AEBP2: variants seen among roughly 807,000 people sequenced by gnomAD.
AEBP2 encodes the protein zinc finger protein AEBP2.
A neutral mutation model predicts 50.8 loss-of-function variants in AEBP2; 10 were observed. The observed-to-expected ratio is 0.20, with a 90% CI of 0.12 to 0.33. The LOEUF is 0.33. AEBP2 is among the 10% of genes least tolerant of loss of function. AEBP2 has a pLI of 1.00. For synonymous variants in AEBP2, 296 were observed against 261.3 expected, an observed-to-expected ratio of 1.13 and a Z score of -1.28; for missense variants, 570 against 688.0, an observed-to-expected ratio of 0.83 and a Z score of 1.92.
At chr12:19,490,294 T>C (rs1310057146) in intron 3 of AEBP2, among the ~76,000 whole-genome samples, 1 of 152,204 alleles carries the variant, frequency 6.6e-6, no homozygotes, top group Non-Finnish European at 1.5e-5. Flanking sequence ...AGAAGTTACC[T>C]ATATCTAATA....
intron 7 of AEBP2, 135 bp from the exon 8 acceptor site, chr12:19,517,952 T>G: frequency 4.8e-6 from 4 of 830,606 alleles, no homozygotes; most frequent in Non-Finnish European, 5.3e-6. Context: ...TGTATAAATG[T>G]TTTGGAAATA....
intron 3 of AEBP2, among the ~76,000 whole-genome samples, chr12:19,490,565 G>A (rs1329735264): frequency 1.3e-5 from 2 of 151,958 alleles, no homozygotes; most frequent in East Asian, 3.9e-4. Flanking sequence ...TTTTGAGACA[G>A]AGTCTCACTT....
chr12:19,477,114 C>T (rs1422169963), intron 3 of AEBP2, among the ~76,000 whole-genome samples: 1 of 152,044 alleles, frequency 6.6e-6, no homozygotes, highest in Non-Finnish European at 1.5e-5. Context: ...TTCTCAACTT[C>T]GTCATTGTTG....
intron 1 of AEBP2, among the ~76,000 whole-genome samples, chr12:19,453,127 C>T (rs1337719725): frequency 2.6e-5 from 4 of 151,822 alleles, no homozygotes; most frequent in Non-Finnish European, 5.9e-5. Context: ...CGCCACCAGC[C>T]CCGGATGATT....
At chr12:19,498,523 G>C (rs918181112) in intron 4 of AEBP2, among the ~76,000 whole-genome samples, 3 of 152,166 alleles carry the variant, frequency 2.0e-5, no homozygotes, top group Middle Eastern at 3.4e-3. Flanking sequence ...GATGTTTTGA[G>C]AACTCTTTGA....
chr12:19,418,685 T>C (rs945846918), intron 1 of AEBP2, among the ~76,000 whole-genome samples: 7 of 152,196 alleles, frequency 4.6e-5, no homozygotes, highest in African/African-American at 1.2e-4. Flanking sequence ...TGATGTCTTA[T>C]GTATCCCTAA....
chr12:19,416,504 C>T (rs542533423), intron 1 of AEBP2, among the ~76,000 whole-genome samples: 192 of 152,174 alleles, frequency 1.3e-3, no homozygotes, highest in Admixed American at 2.6e-3. Context: ...CTCCCAGGCT[C>T]AAGCGATTCT....
intron 1 of AEBP2, among the ~76,000 whole-genome samples, chr12:19,448,682 GT>G (rs1948116490): frequency 6.6e-6 from 1 of 150,904 alleles, no homozygotes; most frequent in Non-Finnish European, 1.5e-5. Flanking sequence ...GTTTTTTTTT[GT>G]TTTGTTTGTA....
intron 1 of AEBP2, chr12:19,457,556 A>G (rs1948292793): frequency 6.7e-7 from 1 of 1,481,686 alleles, no homozygotes; most frequent in Admixed American, 2.0e-5. Flanking sequence ...TGATGCTACC[A>G]CATTTGTAGT....
intron 3 of AEBP2, among the ~76,000 whole-genome samples, chr12:19,485,948 C>CTTTTTTT (rs60355570): frequency 6.6e-5 from 6 of 91,222 alleles, no homozygotes; most frequent in East Asian, 3.5e-4. Flanking sequence ...TGAGCCTCTG[C>CTTTTTTT]TTTTTTTTTT....
chr12:19,441,759 A>G (rs1947964145), intron 1 of AEBP2, among the ~76,000 whole-genome samples: 1 of 152,210 alleles, frequency 6.6e-6, no homozygotes, highest in Non-Finnish European at 1.5e-5. Flanking sequence ...CTTCAAGAAA[A>G]TTAAAAATTG....
chr12:19,520,612 C>T lies in AEBP2; in HGVS notation c.*2495C>T, dbSNP rs1482188211. The stretch of plus-strand genomic sequence containing the variant: ...TTGTTGCTCCTACCTTCAAATATGA[C>T]ACCTGAAATAATAAGTCTGTTGTCC... On this transcript the variant is annotated 3_prime_UTR_variant, in exon 8 of 8. Coordinates refer to ENST00000266508, the MANE Select transcript of AEBP2 (RefSeq NM_153207.5). 1 of 152,166 alleles carries T rather than the reference C, an allele frequency of 6.6e-6. No individual in the cohort carries two copies. Among genetic ancestry groups the T allele is most frequent in the East Asian group, 1.9e-4 (1 of 5,192 alleles). The allele number at this position is 152,166 out of a possible 1,614,324, so 9.4% of individuals were successfully genotyped here. A position where few individuals can be genotyped will look rare whatever the true frequency, so the allele number is the denominator to read the frequency against.
chr12:19,446,071 G>C (rs1259982230), intron 1 of AEBP2: 2 of 149,950 alleles, frequency 1.3e-5, no homozygotes, highest in African/African-American at 4.9e-5. Context: ...TTATCTATTG[G>C]TAAAAAGTTT....
chr12:19,470,346 A>G (rs1948552004), intron 2 of AEBP2, among the ~76,000 whole-genome samples: 3 of 151,990 alleles, frequency 2.0e-5, no homozygotes, highest in Admixed American at 1.3e-4. Context: ...CAGTAGAGAC[A>G]TGGTTTCACC....
chr12:19,450,078 G>A lies in AEBP2; in HGVS notation c.671+9708G>A, dbSNP rs908110797. 2.0e-5 allele frequency among the ~76,000 whole-genome samples: 3 copies of A among 152,092 alleles called. No homozygotes were observed. The East Asian group carries it at 5.8e-4, about 29-fold the overall frequency. The stretch of plus-strand genomic sequence containing the variant: ...CCTAACTGAGTTTATAGACCAAAAA[G>A]CCTACAGCACCACCGCAGTTTTGAA... On this transcript the variant is annotated intron_variant, in intron 1 of 7. Transcript: ENST00000266508.
At chr12:19,473,080 T>C (rs1254677546) in intron 2 of AEBP2, among the ~76,000 whole-genome samples, 168 bp from the exon 3 acceptor site, 1 of 152,154 alleles carries the variant, frequency 6.6e-6, no homozygotes, top group Non-Finnish European at 1.5e-5. Context: ...GGGTGGCTTA[T>C]ACTAGGATGT....
At chr12:19,501,638 A>G (rs917123645) in intron 5 of AEBP2, among the ~76,000 whole-genome samples, 5 of 91,754 alleles carry the variant, frequency 5.4e-5, no homozygotes, top group East Asian at 2.6e-4. Flanking sequence ...CCCTGTCTGG[A>G]AAAAAAAAAA....
rs1384946641 is a variant in AEBP2 at position 19,504,894 on chromosome 12, GGA to G, written c.1299+4679_1299+4680del. On this transcript the variant is annotated intron_variant, in intron 5 of 7. Coordinates refer to ENST00000266508, the MANE Select transcript of AEBP2 (RefSeq NM_153207.5). Reference sequence around the variant, plus strand: ...TTTAGAAATTAGATAAGGATATAAAGGAGAGAGTGATAGAACAAAATTTGGAG... The same window carrying G: ...TTTAGAAATTAGATAAGGATATAAAGGAGAGTGATAGAACAAAATTTGGAG... Among the ~76,000 whole-genome samples, 8 of 152,294 alleles carry G rather than the reference GGA, an allele frequency of 5.3e-5. No individual in the cohort carries two copies. The East Asian group carries it at 1.5e-3, about 29-fold the overall frequency.
At chr12:19,438,009 A>AT (rs547697460), upstream of AEBP2, among the ~76,000 whole-genome samples, 6 of 152,298 alleles carry the variant, frequency 3.9e-5, no homozygotes, top group African/African-American at 1.4e-4. Context: ...TCAGGGTGTA[A>AT]TGTGGGCTCT....
Sources: allele counts gnomAD v4.1 joint callset (sites outside exome capture counted in the v4.1 genomes callset), GRCh38; gene constraint gnomAD v4.1.1; transcripts MANE v1.5; gene names NCBI Gene and HGNC (gene_info 2026-07-23, HGNC 2026-07-21).